The following EDA variants were observed in gnomAD, a reference collection of about 807,000 sequenced individuals.
EDA encodes the protein ectodysplasin-A.
EDA carries 2 observed loss-of-function variants against 23.6 expected under a neutral mutation model. The observed-to-expected ratio is 0.08, with a 90% CI of 0.03 to 0.27. The LOEUF is 0.27. EDA is among the 10% of genes least tolerant of loss of function. The pLI is 1.00. For missense variants in EDA, 229 were observed against 324.2 expected, an observed-to-expected ratio of 0.71 and a Z score of 2.26; for synonymous variants, 131 against 132.0, an observed-to-expected ratio of 0.99 and a Z score of 0.05.
At chrX:69,827,626 C>T (rs760047535) in intron 1 of EDA, among the ~76,000 whole-genome samples, 14 of 111,438 alleles carry the variant, frequency 1.3e-4, no homozygotes, top group African/African-American at 4.2e-4. Context: ...AGTTTTCAAC[C>T]TCTTTGCCTT....
intron 2 of EDA, among the ~76,000 whole-genome samples, chrX:70,011,991 C>G (rs1875683778): frequency 9.0e-6 from 1 of 111,357 alleles, no homozygotes; most frequent in Non-Finnish European, 1.9e-5. Flanking sequence ...TGCTGCTGGC[C>G]TCCATGGCCC....
At chrX:69,737,607 T>C (rs1293075315) in intron 1 of EDA, among the ~76,000 whole-genome samples, 2 of 112,540 alleles carry the variant, frequency 1.8e-5, no homozygotes, top group Non-Finnish European at 3.8e-5. Flanking sequence ...CATAGTTATT[T>C]ATCTTTTAAG....
At chrX:69,927,819 G>T (rs768791557) in intron 1 of EDA, among the ~76,000 whole-genome samples, 1 of 110,467 alleles carries the variant, frequency 9.1e-6, no homozygotes, top group East Asian at 2.8e-4. Context: ...CTACCATGTT[G>T]CCCCATCTCT....
At chrX:69,968,459 G>A (rs145026851) in intron 2 of EDA, among the ~76,000 whole-genome samples, 9 of 111,739 alleles carry the variant, frequency 8.1e-5, no homozygotes, top group African/African-American at 2.6e-4. Context: ...TAGAATAAGG[G>A]CTGAGAGAAA....
chrX:69,710,541 A>G (rs1161833807), intron 1 of EDA, among the ~76,000 whole-genome samples: 2 of 111,540 alleles, frequency 1.8e-5, no homozygotes, highest in Non-Finnish European at 1.9e-5. Context: ...GTCATTGGTA[A>G]ATTGATGGGG....
At chrX:70,029,481 G>A (rs889471252) in intron 4 of EDA, 23 bp from the exon 5 acceptor site, 7 of 1,209,984 alleles carry the variant, frequency 5.8e-6, no homozygotes, top group Non-Finnish European at 7.8e-6. Flanking sequence ...TATGCCCTCT[G>A]ATTGTCCTAT....
intron 1 of EDA, among the ~76,000 whole-genome samples, chrX:69,755,280 A>G (rs1391653059): frequency 8.9e-6 from 1 of 112,199 alleles, no homozygotes; most frequent in African/African-American, 3.2e-5. Context: ...TCCTTCTAAC[A>G]GTTATGACCC....
intron 2 of EDA, among the ~76,000 whole-genome samples, chrX:70,013,089 G>A (rs377564107): frequency 3.6e-5 from 4 of 112,404 alleles, no homozygotes; most frequent in Admixed American, 9.3e-5. Flanking sequence ...ACTGGGCAAC[G>A]CCTCTCCACC....
chrX:69,928,338 A>T (rs953524529), intron 1 of EDA, among the ~76,000 whole-genome samples: 3 of 111,871 alleles, frequency 2.7e-5, no homozygotes, highest in African/African-American at 9.7e-5. Flanking sequence ...AGCAAGAGCC[A>T]CGTCTTACTG....
intron 1 of EDA, among the ~76,000 whole-genome samples, chrX:69,853,599 A>G (rs966165147): frequency 1.1e-4 from 12 of 112,354 alleles, no homozygotes; most frequent in Non-Finnish European, 2.1e-4. Context: ...TGGTGAAAGT[A>G]TGAAACACCC....
chrX:69,855,598 C>T (rs1442453240), intron 1 of EDA, among the ~76,000 whole-genome samples: 1 of 111,400 alleles, frequency 9.0e-6, no homozygotes, highest in Admixed American at 9.6e-5. Flanking sequence ...TTATTTTTGT[C>T]AGGTTTGTGG....
chrX:69,765,333 A>AAGAGAATAT (rs2014438763), intron 1 of EDA, among the ~76,000 whole-genome samples: 1 of 112,539 alleles, frequency 8.9e-6, no homozygotes, highest in Non-Finnish European at 1.9e-5. Flanking sequence ...TGGTTTGAAA[A>AAGAGAATAT]TGCTCATTCT....
At chrX:69,819,242 A>G (rs936808916) in intron 1 of EDA, among the ~76,000 whole-genome samples, 1 of 112,021 alleles carries the variant, frequency 8.9e-6, no homozygotes, top group Non-Finnish European at 1.9e-5. Context: ...GCCATATATG[A>G]CAAACCCATA....
chrX:69,919,841 G>A (rs2018400595), intron 1 of EDA, among the ~76,000 whole-genome samples: 1 of 107,851 alleles, frequency 9.3e-6, no homozygotes, highest in Non-Finnish European at 1.9e-5. Context: ...AATCTTTGTA[G>A]GCTTCATGAT....
intron 1 of EDA, among the ~76,000 whole-genome samples, chrX:69,778,491 A>G (rs2014850339): frequency 8.9e-6 from 1 of 111,956 alleles, no homozygotes; most frequent in South Asian, 3.7e-4. Flanking sequence ...CTATTTGGAC[A>G]GTTCTGCCTT....
chrX:69,650,919 G>T (rs918513049), intron 1 of EDA, among the ~76,000 whole-genome samples: 3 of 111,061 alleles, frequency 2.7e-5, no homozygotes, highest in Non-Finnish European at 3.8e-5. Context: ...TTGAAGCAAG[G>T]AAGAGCGTGG....
intron 1 of EDA, among the ~76,000 whole-genome samples, chrX:69,853,624 C>T (rs1280637889): frequency 2.7e-5 from 3 of 111,956 alleles, no homozygotes; most frequent in Non-Finnish European, 3.8e-5. Context: ...CAGAGAAAAG[C>T]TCAACATTAG....
intron 1 of EDA, among the ~76,000 whole-genome samples, chrX:69,643,204 T>C (rs1932860340): frequency 1.8e-5 from 2 of 109,434 alleles, no homozygotes; most frequent in South Asian, 7.7e-4. Context: ...CATCAAAACA[T>C]ATATGGTAAA....
intron 1 of EDA, among the ~76,000 whole-genome samples, chrX:69,764,943 G>T (rs925526894): frequency 1.8e-5 from 2 of 111,623 alleles, no homozygotes; most frequent in Admixed American, 9.5e-5. Context: ...AACTTAAAAT[G>T]ATTTGAAAAG....
Sources: gnomAD v4.1 joint callset for allele counts (sites outside exome capture counted in the v4.1 genomes callset) on GRCh38, gnomAD v4.1.1 for gene constraint, MANE v1.5 for transcripts, NCBI Gene and HGNC (gene_info 2026-07-23, HGNC 2026-07-21) for gene names.